ZDHHC21: variants seen among roughly 807,000 people sequenced by gnomAD.
ZDHHC21 encodes palmitoyltransferase ZDHHC21.
In ZDHHC21, 15 loss-of-function variants were observed where a neutral mutation model predicts 34.6. The ratio of observed to expected loss-of-function variants is 0.43; its 90% CI spans 0.29 to 0.67. The LOEUF (loss-of-function observed/expected upper bound fraction) is 0.67, where lower values mean the gene tolerates loss of function less well. Ranked by LOEUF, ZDHHC21 falls within the 30% of genes least tolerant of loss-of-function variation. The pLI is 0.14. For missense variants in ZDHHC21, 344 were observed against 327.7 expected (o/e 1.05, Z -0.38); for synonymous variants, 142 against 101.8 (o/e 1.40, Z -2.38).
intron 5 of ZDHHC21, among the ~76,000 whole-genome samples, chr9:14,668,515 T>G (rs1834895201): frequency 7.6e-6 from 1 of 131,152 alleles, no homozygotes; most frequent in South Asian, 2.9e-4. Flanking sequence ...AAAGTTCATA[T>G]GGAACCAAAA....
chr9:14,592,316 G>A, the ZDHHC21 span, among the ~76,000 whole-genome samples: 274 of 151,814 alleles, frequency 1.8e-3, no homozygotes, highest in African/African-American at 6.4e-3. Context: ...ACTTTGTTTC[G>A]ATATAATTCC....
chr9:14,684,096 T>C (rs1423971445), intron 2 of ZDHHC21, among the ~76,000 whole-genome samples: 1 of 152,018 alleles, frequency 6.6e-6, no homozygotes, highest in Non-Finnish European at 1.5e-5. Flanking sequence ...GCCAATATCA[T>C]ACTGAATGGG....
chr9:14,667,664 G>C (rs1189890221), intron 5 of ZDHHC21, among the ~76,000 whole-genome samples: 1 of 90,334 alleles, frequency 1.1e-5, no homozygotes, highest in Non-Finnish European at 2.2e-5. Context: ...GATCAAGTGG[G>C]CTTCATCCCT....
At chr9:14,670,563 A>G (rs1006566501) in intron 5 of ZDHHC21, among the ~76,000 whole-genome samples, 2 of 152,078 alleles carry the variant, frequency 1.3e-5, no homozygotes, top group African/African-American at 4.8e-5. Context: ...TGGCCCATAA[A>G]GCTGAAAATA....
At chr9:14,603,932 T>C in the ZDHHC21 span, among the ~76,000 whole-genome samples, 1 of 152,208 alleles carries the variant, frequency 6.6e-6, no homozygotes, top group African/African-American at 2.4e-5. Flanking sequence ...TAAGAAAATA[T>C]ATCCTTCATG....
intron 1 of ZDHHC21, among the ~76,000 whole-genome samples, chr9:14,692,431 C>T (rs894886008): frequency 6.6e-6 from 1 of 152,074 alleles, no homozygotes; most frequent in Non-Finnish European, 1.5e-5. Context: ...TATGACCCGC[C>T]CACAATGACC....
intron 2 of ZDHHC21, 127 bp from the exon 3 acceptor site, chr9:14,680,289 T>G (rs1260730626): frequency 6.6e-6 from 1 of 152,120 alleles, no homozygotes; most frequent in African/African-American, 2.4e-5. Context: ...GAAATTCAAC[T>G]CCATTTGATT....
At position 14,616,504 on chromosome 9, in the gene ZDHHC21, G is replaced by A. The variant is rs1824192479; in HGVS notation, c.*2462C>T. ...GTACTTTTGATATGTTCAGAATGTG[G>A]CTATACTATTTACTTATGGGGCAGT... On this transcript the variant is annotated 3_prime_UTR_variant, in exon 10 of 10. Coordinates refer to ENST00000380916, the MANE Select transcript of ZDHHC21 (RefSeq NM_178566.6). 6.6e-6 allele frequency: 1 copy of A among 151,642 alleles called. No homozygotes were observed. Among genetic ancestry groups the A allele is most frequent in the African/African-American group, 2.4e-5 (1 of 41,372 alleles). The allele number at this position is 151,642 out of a possible 1,614,324, so 9.4% of individuals were successfully genotyped here.
rs1416641347 is a variant in ZDHHC21, at chr9:14,615,907, G to A, written c.*3059C>T. ...TCAGTCCAACATACATATTACATCAGTAATCTTACTGCTCACAATTATTTT... is the reference window on the plus strand; with the variant it reads ...TCAGTCCAACATACATATTACATCAATAATCTTACTGCTCACAATTATTTT... On this transcript the variant is annotated 3_prime_UTR_variant, in exon 10 of 10. Transcript: ENST00000380916. 2.0e-5 allele frequency: 3 copies of A among 151,596 alleles called. No individual in the cohort carries two copies. The highest frequency in any genetic ancestry group is 3.9e-4 in the East Asian group (2 of 5,168). 9.4% of individuals were successfully genotyped at this position (151,596 alleles called of 1,614,324 possible).
intron 2 of ZDHHC21, chr9:14,683,488 A>G (rs1237892030): frequency 2.6e-5 from 4 of 152,188 alleles, no homozygotes; most frequent in Non-Finnish European, 2.9e-5. Flanking sequence ...CACCCTCCCA[A>G]GACTAAACCA....
intron 7 of ZDHHC21, among the ~76,000 whole-genome samples, chr9:14,642,691 C>T (rs948278797): frequency 6.6e-6 from 1 of 152,142 alleles, no homozygotes; most frequent in Non-Finnish European, 1.5e-5. Flanking sequence ...TGGTTATCTG[C>T]AAGCCAAAGA....
At chr9:14,592,147 A>C in the ZDHHC21 span, among the ~76,000 whole-genome samples, 1 of 152,038 alleles carries the variant, frequency 6.6e-6, no homozygotes, top group Admixed American at 6.5e-5. Context: ...TTTTGTATTA[A>C]ACATCTATTT....
At chr9:14,653,116 C>A (rs1831536494) in intron 7 of ZDHHC21, among the ~76,000 whole-genome samples, 1 of 151,852 alleles carries the variant, frequency 6.6e-6, no homozygotes, top group Admixed American at 6.6e-5. Flanking sequence ...TAGTTAGGGA[C>A]CTTCGGGGAT....
downstream of ZDHHC21, among the ~76,000 whole-genome samples, chr9:14,608,059 A>C (rs1823073008): frequency 6.6e-6 from 1 of 152,202 alleles, no homozygotes; most frequent in African/African-American, 2.4e-5. Context: ...TCAAGTTACA[A>C]GTGCAGACCA....
chr9:14,590,795 C>T, the ZDHHC21 span, among the ~76,000 whole-genome samples: 1 of 152,040 alleles, frequency 6.6e-6, no homozygotes, highest in African/African-American at 2.4e-5. Context: ...AAACTAGGAT[C>T]TACAAAAGGA....
At chr9:14,639,096 G>A (rs567773560) in intron 8 of ZDHHC21, among the ~76,000 whole-genome samples, 2 of 152,136 alleles carry the variant, frequency 1.3e-5, no homozygotes, top group South Asian at 2.1e-4. Context: ...GCAAGGATAG[G>A]AAATCAACCT....
rs748930509 is a variant in ZDHHC21 at position 14,611,503 on chromosome 9, G to C, written c.*7463C>G. 6.6e-5 allele frequency: 10 copies of C among 151,974 alleles called. No individual in the cohort carries two copies. Among genetic ancestry groups the C allele is most frequent in the Non-Finnish European group, 1.0e-4 (7 of 67,940 alleles). The allele number at this position is 151,974 out of a possible 1,614,324, so 9.4% of individuals were successfully genotyped here. ...GACAATGCAAGGAAAACAGCACTCAGATCTATACATATTATGTACTGAATA... is the reference window on the plus strand; with the variant it reads ...GACAATGCAAGGAAAACAGCACTCACATCTATACATATTATGTACTGAATA... On this transcript the variant is annotated 3_prime_UTR_variant, in exon 10 of 10. Transcript: ENST00000380916.
chr9:14,619,801 T>C, intron 8 of ZDHHC21, 119 bp from the exon 9 acceptor site: 1 of 510,482 alleles, frequency 2.0e-6, no homozygotes, highest in Non-Finnish European at 3.0e-6. Flanking sequence ...AAACAGTTTA[T>C]ATATGAGTAT....
intron 7 of ZDHHC21, among the ~76,000 whole-genome samples, chr9:14,654,181 G>A (rs559590135): frequency 4.6e-5 from 7 of 152,046 alleles, no homozygotes; most frequent in South Asian, 4.2e-4. Flanking sequence ...CTGAGACCCC[G>A]AAGGACTAGA....
Sources: gnomAD v4.1 joint callset for allele counts (sites outside exome capture counted in the v4.1 genomes callset) on GRCh38, gnomAD v4.1.1 for gene constraint, MANE v1.5 for transcripts, NCBI Gene and HGNC (gene_info 2026-07-23, HGNC 2026-07-21) for gene names.